ARHGAP42: variants seen among roughly 807,000 people sequenced by gnomAD.
ARHGAP42 encodes the protein rho GTPase-activating protein 42.
Under a neutral mutation model 125.0 loss-of-function variants are expected in ARHGAP42, and 63 were observed. That is an observed-to-expected ratio of 0.50 (90% CI 0.41 to 0.62). The LOEUF (loss-of-function observed/expected upper bound fraction) is 0.62, where lower values mean the gene tolerates loss of function less well. ARHGAP42 is among the 20% of genes least tolerant of loss of function. The pLI is 0.00. For synonymous variants in ARHGAP42, 339 were observed against 351.0 expected (o/e 0.97, Z 0.38); for missense variants, 766 against 1,024.2 (o/e 0.75, Z 3.44).
intron 3 of ARHGAP42, among the ~76,000 whole-genome samples, chr11:100,807,171 G>GC (rs1426962059): frequency 6.7e-6 from 1 of 148,670 alleles, no homozygotes; most frequent in African/African-American, 2.5e-5. Context: ...TTTTAATTGT[G>GC]CAAAGAGCTT....
intron 2 of ARHGAP42, among the ~76,000 whole-genome samples, chr11:100,789,052 G>A (rs1863501596): frequency 6.6e-6 from 1 of 152,062 alleles, no homozygotes; most frequent in Admixed American, 6.5e-5. Context: ...AGAAGCATAT[G>A]ACCAAGTCAT....
At chr11:100,826,667 A>T (rs765697674) in intron 3 of ARHGAP42, among the ~76,000 whole-genome samples, 1 of 152,118 alleles carries the variant, frequency 6.6e-6, no homozygotes, top group Non-Finnish European at 1.5e-5. Flanking sequence ...AGATTACAAG[A>T]TCTCTAAACC....
At chr11:100,789,303 A>T (rs1171924866) in intron 2 of ARHGAP42, among the ~76,000 whole-genome samples, 1 of 152,256 alleles carries the variant, frequency 6.6e-6, no homozygotes, top group Admixed American at 6.5e-5. Flanking sequence ...ATATAACAAC[A>T]TCTAAATTCT....
At chr11:100,923,896 A>G (rs1385477787) in intron 6 of ARHGAP42, among the ~76,000 whole-genome samples, 1 of 152,232 alleles carries the variant, frequency 6.6e-6, no homozygotes, top group African/African-American at 2.4e-5. Context: ...CTTAATATCC[A>G]TTTGAACAAT....
intron 2 of ARHGAP42, among the ~76,000 whole-genome samples, chr11:100,774,153 TAGG>T (rs1342643179): frequency 6.6e-6 from 1 of 152,164 alleles, no homozygotes; most frequent in African/African-American, 2.4e-5. Context: ...AAAGAAGTAG[TAGG>T]AGGAGGCTCT....
chr11:100,821,745 A>G (rs1426735742), intron 3 of ARHGAP42, among the ~76,000 whole-genome samples: 1 of 151,988 alleles, frequency 6.6e-6, no homozygotes. Flanking sequence ...GCTTTGTCGT[A>G]TACTGTGTTT....
At chr11:100,929,882 A>G (rs1867527423) in intron 6 of ARHGAP42, among the ~76,000 whole-genome samples, 1 of 152,176 alleles carries the variant, frequency 6.6e-6, no homozygotes, top group African/African-American at 2.4e-5. Context: ...GACAGTGTAC[A>G]TGAAGCACGA....
intron 3 of ARHGAP42, among the ~76,000 whole-genome samples, chr11:100,849,774 G>T (rs1865159588): frequency 6.6e-6 from 1 of 152,080 alleles, no homozygotes. Context: ...TTAGCTTCTG[G>T]TGCTGTTTTT....
intron 3 of ARHGAP42, among the ~76,000 whole-genome samples, chr11:100,837,527 C>T (rs1160952304): frequency 1.3e-5 from 2 of 151,872 alleles, no homozygotes; most frequent in South Asian, 2.1e-4. Flanking sequence ...CAGGCATGCT[C>T]AAAAGAATGG....
chr11:100,887,770 G>A (rs572116008), intron 4 of ARHGAP42, among the ~76,000 whole-genome samples: 3 of 152,274 alleles, frequency 2.0e-5, no homozygotes, highest in East Asian at 3.9e-4. Context: ...CCTTCCCAAG[G>A]GCACATCCCT....
At chr11:100,962,851 G>A (rs550853434) in intron 16 of ARHGAP42, among the ~76,000 whole-genome samples, 3 of 152,084 alleles carry the variant, frequency 2.0e-5, no homozygotes, top group Non-Finnish European at 2.9e-5. Context: ...ACTCCAGCCT[G>A]GGCAACAAGA....
intron 3 of ARHGAP42, among the ~76,000 whole-genome samples, chr11:100,811,234 G>C (rs1312954411): frequency 6.6e-6 from 1 of 152,138 alleles, no homozygotes; most frequent in African/African-American, 2.4e-5. Flanking sequence ...AGGATGATAG[G>C]CGCGAGCTAC....
intron 3 of ARHGAP42, among the ~76,000 whole-genome samples, chr11:100,842,925 A>G (rs1864975494): frequency 6.6e-6 from 1 of 152,114 alleles, no homozygotes; most frequent in Non-Finnish European, 1.5e-5. Context: ...AGAAACAAGA[A>G]AAAAACCAAA....
intron 12 of ARHGAP42, 74 bp downstream of exon 12, chr11:100,950,030 A>T: frequency 1.1e-6 from 1 of 923,842 alleles, no homozygotes; most frequent in Non-Finnish European, 1.6e-6. Context: ...GGTGATTGTA[A>T]GTATTCTGGG....
intron 21 of ARHGAP42, among the ~76,000 whole-genome samples, chr11:100,978,564 G>A (rs1395861170): frequency 6.7e-6 from 1 of 150,172 alleles, no homozygotes; most frequent in Admixed American, 6.7e-5. Flanking sequence ...TACATCAATA[G>A]TATTATAATT....
intron 3 of ARHGAP42, among the ~76,000 whole-genome samples, chr11:100,823,150 A>G (rs1044043622): frequency 5.9e-5 from 9 of 152,178 alleles, no homozygotes; most frequent in African/African-American, 2.2e-4. Flanking sequence ...GTCAAATTAA[A>G]TTTAGAAATG....
In ARHGAP42 at chr11:100,990,251, T is replaced by C. The variant is rs1363834333; in HGVS notation, c.*1450T>C. On this transcript the variant is annotated 3_prime_UTR_variant, in exon 24 of 24. Coordinates refer to ENST00000298815, the MANE Select transcript of ARHGAP42 (RefSeq NM_152432.4). ...TGCTTGTTCTTGACATCTTGCATAT[T>C]ACTTCAGAGTTCCCCACTGTGCAGA... 1.3e-5 allele frequency: 2 copies of C among 152,176 alleles called. No individual in the cohort carries two copies. The highest frequency in any genetic ancestry group is 1.5e-5 in the Non-Finnish European group (1 of 68,024). The allele number at this position is 152,176 out of a possible 1,614,324, so 9.4% of individuals were successfully genotyped here. A position where few individuals can be genotyped will look rare whatever the true frequency, so the allele number is the denominator to read the frequency against.
At chr11:100,850,908 G>C (rs1250698825) in intron 3 of ARHGAP42, among the ~76,000 whole-genome samples, 3 of 120,696 alleles carry the variant, frequency 2.5e-5, no homozygotes, top group Non-Finnish European at 4.8e-5. Context: ...TTGAGATGGA[G>C]TCTCGCTCTG....
In ARHGAP42 at chr11:100,687,447, C is replaced by T. The variant is rs1464620466; in HGVS notation, c.-232C>T. On this transcript the variant is annotated 5_prime_UTR_variant, in exon 1 of 24. Transcript: ENST00000298815. ...GATGACAACAACCTGAGGGGACTCG[C>T]GCCTCGGCCCGCCGCCCGCGCCTGC... is the stretch of plus-strand genomic sequence containing the variant. Among the ~76,000 whole-genome samples the T allele has an allele frequency of 6.6e-6, 1 of 151,910 alleles. No individual in the cohort carries two copies. Among genetic ancestry groups the T allele is most frequent in the Non-Finnish European group, 1.5e-5 (1 of 67,906 alleles).
Sources: allele counts gnomAD v4.1 joint callset (sites outside exome capture counted in the v4.1 genomes callset), GRCh38; gene constraint gnomAD v4.1.1; transcripts MANE v1.5; gene names NCBI Gene and HGNC (gene_info 2026-07-23, HGNC 2026-07-21).